FOXP1: variants seen among roughly 807,000 people sequenced by gnomAD.
The protein encoded by FOXP1 is forkhead box P1.
Under a neutral mutation model 98.2 loss-of-function variants are expected in FOXP1, and 15 were observed. The observed-to-expected ratio is 0.15, with a 90% CI of 0.10 to 0.24. The LOEUF is 0.24. Ranked by LOEUF, FOXP1 falls within the 10% of genes least tolerant of loss-of-function variation. The probability of loss-of-function intolerance (pLI) is 1.00; values close to 1 mark genes in which losing one functional copy is unlikely to be tolerated. For synonymous variants in FOXP1, 371 were observed against 314.5 expected (o/e 1.18, Z -1.90); for missense variants, 633 against 848.5 (o/e 0.75, Z 3.15).
At chr3:71,540,571 G>GT (rs1560629578) in intron 2 of FOXP1, among the ~76,000 whole-genome samples, 4 of 152,228 alleles carry the variant, frequency 2.6e-5, no homozygotes, top group African/African-American at 9.7e-5. Context: ...ACCATGCTAA[G>GT]TGTCTCATGT....
In FOXP1 at chr3:71,134,007, T is replaced by C. The variant is rs553627126; in HGVS notation, c.181-21370A>G. Among the ~76,000 whole-genome samples the C allele has an allele frequency of 3.9e-5, 6 of 152,350 alleles. No individual in the cohort carries two copies. The South Asian group carries it at 1.2e-3, about 32-fold the overall frequency. On this transcript the variant is annotated intron_variant, in intron 6 of 20. Transcript: ENST00000649528. ...TAAACGGGAAGGCTTGGGTGTCTCCTTGTTTATTCCTTTGCCTATTCTGTC... is the reference window on the plus strand; with the variant it reads ...TAAACGGGAAGGCTTGGGTGTCTCCCTGTTTATTCCTTTGCCTATTCTGTC...
chr3:71,577,358 G>C lies in FOXP1; in HGVS notation c.-298+4191C>G, dbSNP rs551614754. Among the ~76,000 whole-genome samples, 33 of 151,906 alleles carry C rather than the reference G, an allele frequency of 2.2e-4. No individual in the cohort carries two copies. In the South Asian group the frequency reaches 6.5e-3, roughly 30 times the overall value. Reference sequence around the variant, plus strand: ...ATATTCCTTACAACATTTATTTTTAGGTTAGCGACACAAGCCAAATCTGCT... The same window carrying C: ...ATATTCCTTACAACATTTATTTTTACGTTAGCGACACAAGCCAAATCTGCT... On this transcript the variant is annotated intron_variant, in intron 2 of 20. Transcript: ENST00000649528.
chr3:71,235,466 T>C (rs1466278102), intron 5 of FOXP1, among the ~76,000 whole-genome samples: 1 of 152,226 alleles, frequency 6.6e-6, no homozygotes, highest in African/African-American at 2.4e-5. Context: ...TACCTGCCTT[T>C]ATGTAGTCAA....
At chr3:71,570,978 A>G (rs1216398791) in intron 2 of FOXP1, 2 of 152,158 alleles carry the variant, frequency 1.3e-5, no homozygotes, top group Non-Finnish European at 2.9e-5. Flanking sequence ...TTTTTAAAAT[A>G]ACATCGATCT....
At chr3:71,164,053 T>C (rs1412850188) in intron 6 of FOXP1, among the ~76,000 whole-genome samples, 1 of 152,080 alleles carries the variant, frequency 6.6e-6, no homozygotes, top group African/African-American at 2.4e-5. Context: ...TCCCATGCCA[T>C]CAGTCCAATC....
intron 5 of FOXP1, among the ~76,000 whole-genome samples, chr3:71,269,948 A>G (rs2070168816): frequency 6.6e-6 from 1 of 152,212 alleles, no homozygotes; most frequent in Non-Finnish European, 1.5e-5. Flanking sequence ...AGGGGGGAAA[A>G]GGCTGAAAGT....
At chr3:71,484,674 A>G (rs557635674) in intron 3 of FOXP1, among the ~76,000 whole-genome samples, 28 of 152,288 alleles carry the variant, frequency 1.8e-4, no homozygotes, top group African/African-American at 6.7e-4. Flanking sequence ...GGTATTATTG[A>G]GTCCTGGGGC....
intron 3 of FOXP1, among the ~76,000 whole-genome samples, chr3:71,369,766 T>C (rs936557584): frequency 6.6e-6 from 1 of 152,164 alleles, no homozygotes; most frequent in East Asian, 1.9e-4. Flanking sequence ...AGATCGACCA[T>C]AGAGTGTAGT....
At chr3:71,306,643 A>C (rs1007796766) in intron 4 of FOXP1, among the ~76,000 whole-genome samples, 6 of 149,046 alleles carry the variant, frequency 4.0e-5, no homozygotes, top group African/African-American at 1.5e-4. Flanking sequence ...AAAAAAAAAA[A>C]AAAAAAAAAA....
At chr3:71,027,633 G>T (rs1035784897) in intron 11 of FOXP1, among the ~76,000 whole-genome samples, 4 of 152,098 alleles carry the variant, frequency 2.6e-5, no homozygotes, top group African/African-American at 9.7e-5. Flanking sequence ...CCAAAACTGG[G>T]ATGCATATGA....
intron 6 of FOXP1, among the ~76,000 whole-genome samples, chr3:71,153,808 C>T (rs1056163508): frequency 1.3e-5 from 2 of 152,162 alleles, no homozygotes; most frequent in African/African-American, 4.8e-5. Flanking sequence ...GTCAGACAAC[C>T]TAATGGAATA....
intron 6 of FOXP1, among the ~76,000 whole-genome samples, chr3:71,120,153 C>A (rs752417201): frequency 1.9e-4 from 29 of 152,150 alleles, no homozygotes; most frequent in Non-Finnish European, 3.1e-4. Context: ...GGGTAATGAC[C>A]ATTCACAGAC....
At chr3:71,023,805 A>G (rs887825976) in intron 11 of FOXP1, among the ~76,000 whole-genome samples, 2 of 152,194 alleles carry the variant, frequency 1.3e-5, no homozygotes, top group Non-Finnish European at 2.9e-5. Context: ...ACAAAAACTA[A>G]TTGCTATCAA....
intron 10 of FOXP1, among the ~76,000 whole-genome samples, chr3:71,044,356 C>A (rs2048742833): frequency 6.6e-6 from 1 of 152,114 alleles, no homozygotes; most frequent in Non-Finnish European, 1.5e-5. Context: ...CAGAATAAGA[C>A]TGAAAGAATA....
At chr3:71,347,310 T>C (rs1025465676) in intron 4 of FOXP1, among the ~76,000 whole-genome samples, 3 of 152,172 alleles carry the variant, frequency 2.0e-5, no homozygotes, top group African/African-American at 7.2e-5. Flanking sequence ...CAACCAGCCA[T>C]ACCTGCTCCA....
rs925107367 is a variant in FOXP1, at chr3:70,958,902, T to C, written c.*345A>G. ...GTCGGGCGTCCTCAGTGTCCAACGT[T>C]GGCAGGACTGCAGTTCAAAGTCTGC... On this transcript the variant is annotated 3_prime_UTR_variant, in exon 21 of 21. Coordinates refer to ENST00000649528, the MANE Select transcript of FOXP1 (RefSeq NM_001349338.3). The C allele has an allele frequency of 1.7e-5, 7 of 419,744 alleles. No homozygotes were observed. Among genetic ancestry groups the C allele is most frequent in the Admixed American group, 3.9e-5 (1 of 25,818 alleles). The allele number at this position is 419,744 out of a possible 1,614,324, so 26.0% of individuals were successfully genotyped here. A position where few individuals can be genotyped will look rare whatever the true frequency, so the allele number is the denominator to read the frequency against.
At chr3:71,423,110 G>A (rs2083793543) in intron 3 of FOXP1, among the ~76,000 whole-genome samples, 1 of 152,150 alleles carries the variant, frequency 6.6e-6, no homozygotes, top group Non-Finnish European at 1.5e-5. Context: ...TGGTTCAACA[G>A]GTTTAGAACA....
chr3:71,126,438 G>A (rs764063267), intron 6 of FOXP1, among the ~76,000 whole-genome samples: 1 of 152,012 alleles, frequency 6.6e-6, no homozygotes, highest in African/African-American at 2.4e-5. Flanking sequence ...GCAGTGAGCC[G>A]AGATGACACT....
At chr3:71,547,764 G>C (rs1389808091) in intron 2 of FOXP1, among the ~76,000 whole-genome samples, 1 of 152,184 alleles carries the variant, frequency 6.6e-6, no homozygotes, top group African/African-American at 2.4e-5. Flanking sequence ...ACCCATTCCA[G>C]CAAGGTCCAG....
Sources: allele counts gnomAD v4.1 joint callset (sites outside exome capture counted in the v4.1 genomes callset), GRCh38; gene constraint gnomAD v4.1.1; transcripts MANE v1.5; gene names NCBI Gene and HGNC (gene_info 2026-07-23, HGNC 2026-07-21).